TTLL1: variants seen among roughly 807,000 people sequenced by gnomAD.
The protein encoded by TTLL1 is polyglutamylase complex subunit TTLL1.
Under a neutral mutation model 47.8 loss-of-function variants are expected in TTLL1, and 33 were observed. That is an observed-to-expected ratio of 0.69 (90% confidence interval 0.52 to 0.92). The LOEUF is 0.92. Among genes scored for constraint, TTLL1 ranks in the 40% least tolerant of loss-of-function variants. The pLI, the probability that TTLL1 is intolerant of heterozygous loss-of-function variation, is 0.00. For missense variants in TTLL1, 488 were observed against 547.5 expected, an observed-to-expected ratio of 0.89 and a Z score of 1.08; for synonymous variants, 225 against 214.1, an observed-to-expected ratio of 1.05 and a Z score of -0.45.
rs1452636561 is a variant in TTLL1 at position 43,069,726 on chromosome 22, C to T, written c.232G>A (p.Val78Met). The change falls in exon 4 of 11, where the codon GTG becomes ATG. Residue 78 changes from valine to methionine, a missense_variant. By Grantham distance (21) the Val-to-Met change is conservative. Transcript: ENST00000266254. ...TTCCTGTATCTTTTGATGTTCTTCA[C>T]CATCAGGTCCTTCCGGGTCAGTTCA... ...HYELTRKDLMVKNIKRYRKEL... is the reference protein window; with the variant it reads ...HYELTRKDLMMKNIKRYRKEL... 2 of 1,614,084 alleles carry T rather than the reference C, an allele frequency of 1.2e-6. No individual in the cohort carries two copies. Among genetic ancestry groups the T allele is most frequent in the Non-Finnish European group, 1.7e-6 (2 of 1,180,054 alleles).
At position 43,051,830 on chromosome 22, in the gene TTLL1, C is replaced by T. The variant is rs867699587; in HGVS notation, c.949G>A (p.Asp317Asn). Residue 317 changes from aspartate to asparagine, a missense_variant, in exon 9 of 11, where the codon GAC becomes AAC. Transcript: ENST00000266254. ...ATCAGCCAGGGCTTCAGCTTGTCGTCGATGATGATGTCGTAGCCATAGCAT... is the reference window on the plus strand; with the variant it reads ...ATCAGCCAGGGCTTCAGCTTGTCGTTGATGATGATGTCGTAGCCATAGCAT... ...FECYGYDIII[D>N]DKLKPWLIEV... 37 of 1,613,992 alleles carry T rather than the reference C, an allele frequency of 2.3e-5. No homozygotes were observed. In the East Asian group the frequency reaches 4.7e-4, roughly 20 times the overall value.
intron 1 of TTLL1, among the ~76,000 whole-genome samples, chr22:43,082,128 T>C (rs1271854857): frequency 6.6e-6 from 1 of 151,502 alleles, no homozygotes; most frequent in Middle Eastern, 3.4e-3. Context: ...CTGGGATTAC[T>C]GGTGTGAGTC....
At position 43,051,738 on chromosome 22, in the gene TTLL1, C is replaced by A. The variant is rs1926637779; in HGVS notation, c.978+63G>T. 4 of 1,517,114 alleles carry A rather than the reference C, an allele frequency of 2.6e-6. No homozygotes were observed. The Admixed American group carries it at 6.7e-5, about 25-fold the overall frequency. The allele number at this position is 1,517,114 out of a possible 1,614,324, so 94.0% of individuals were successfully genotyped here. ...GCCTGGGGGACTGCTGGGCCCGAATCGGGGCAGAAGTGTGTTGGGGGCTAT... is the reference window on the plus strand; with the variant it reads ...GCCTGGGGGACTGCTGGGCCCGAATAGGGGCAGAAGTGTGTTGGGGGCTAT... On this transcript the variant is annotated intron_variant, in intron 9 of 10. Transcript: ENST00000266254.
At chr22:43,088,212 G>T (rs1463137886) in intron 1 of TTLL1, among the ~76,000 whole-genome samples, 1 of 151,322 alleles carries the variant, frequency 6.6e-6, no homozygotes, top group African/African-American at 2.4e-5. Context: ...CAGGGCATTC[G>T]TTCACAGCGG....
chr22:43,073,687 T>C (rs1928284860), intron 3 of TTLL1, among the ~76,000 whole-genome samples: 1 of 151,956 alleles, frequency 6.6e-6, no homozygotes, highest in Non-Finnish European at 1.5e-5. Flanking sequence ...TGCACCATAA[T>C]CCACTCAAAG....
rs903746397 is a variant in TTLL1 at position 43,073,346 on chromosome 22, T to C, written c.113+2128A>G. On this transcript the variant is annotated intron_variant, in intron 3 of 10. Transcript: ENST00000266254. Reference sequence around the variant, plus strand: ...CGGTCTATTTATTTATTTATTTATTTATTTATTTATTTATTTATTTTATTT... The same window carrying C: ...CGGTCTATTTATTTATTTATTTATTCATTTATTTATTTATTTATTTTATTT... Among the ~76,000 whole-genome samples the C allele has an allele frequency of 2.7e-5, 4 of 146,548 alleles. No homozygotes were observed. In the South Asian group the frequency reaches 8.5e-4, roughly 31 times the overall value.
intron 4 of TTLL1, 67 bp from the exon 5 acceptor site, chr22:43,068,657 T>G: frequency 1.6e-5 from 22 of 1,342,112 alleles, no homozygotes; most frequent in Non-Finnish European, 2.0e-5. Flanking sequence ...CAGAAAGATC[T>G]TGCCCTTGCC....
chr22:43,073,547 G>A (rs1261971046), intron 3 of TTLL1, among the ~76,000 whole-genome samples: 2 of 148,476 alleles, frequency 1.3e-5, no homozygotes, highest in Non-Finnish European at 3.0e-5. Context: ...GTAGTGATGG[G>A]GTTTCACCAA....
chr22:43,077,496 T>C (rs1000562930), intron 2 of TTLL1, among the ~76,000 whole-genome samples: 2 of 152,178 alleles, frequency 1.3e-5, no homozygotes, highest in African/African-American at 4.8e-5. Context: ...GGGAGCTGGC[T>C]TGCTTTCTTC....
intron 10 of TTLL1, among the ~76,000 whole-genome samples, chr22:43,042,971 G>A (rs1255700224): frequency 1.5e-5 from 2 of 137,662 alleles, no homozygotes; most frequent in African/African-American, 5.6e-5. Flanking sequence ...GCAGACTTTC[G>A]CTGTGTCGCC....
chr22:43,083,766 G>T (rs2146995737), intron 1 of TTLL1, among the ~76,000 whole-genome samples: 1 of 152,118 alleles, frequency 6.6e-6, no homozygotes, highest in African/African-American at 2.4e-5. Context: ...AAAACCCACT[G>T]GCAAGGGAAT....
At chr22:43,041,807 C>T (rs753953917) in intron 10 of TTLL1, among the ~76,000 whole-genome samples, 1 of 152,148 alleles carries the variant, frequency 6.6e-6, no homozygotes, top group Non-Finnish European at 1.5e-5. Flanking sequence ...TGAGCCACTG[C>T]GCCTGGCCGC....
intron 10 of TTLL1, among the ~76,000 whole-genome samples, chr22:43,043,525 T>C (rs894984985): frequency 2.0e-5 from 3 of 151,792 alleles, no homozygotes; most frequent in Non-Finnish European, 4.4e-5. Flanking sequence ...AACCCTGATC[T>C]CACCCTTCAC....
At position 43,069,774 on chromosome 22, in the gene TTLL1, C is replaced by T. The variant is rs1353240306; in HGVS notation, c.184G>A (p.Val62Ile). The T allele has an allele frequency of 6.2e-7, 1 of 1,614,180 alleles. No individual in the cohort carries two copies. ...TCATAGTGGTTTGGAAAATGGTTGA[C>T]TATTTGGTCATCTGAGAGCCGATAT... is the stretch of plus-strand genomic sequence containing the variant. ...AGYRLSDDQI[V>I]NHFPNHYELT... is the part of the protein sequence containing the mutation. The change falls in exon 4 of 11, where the codon GTC becomes ATC. Residue 62 changes from valine (V) to isoleucine (I), a missense_variant. Coordinates refer to ENST00000266254, the MANE Select transcript of TTLL1 (RefSeq NM_012263.5).
chr22:43,083,632 G>T (rs1929042725), intron 1 of TTLL1, among the ~76,000 whole-genome samples: 1 of 152,116 alleles, frequency 6.6e-6, no homozygotes, highest in Non-Finnish European at 1.5e-5. Flanking sequence ...GGAGGCTGAG[G>T]CATGAGAACT....
chr22:43,052,023 T>C (rs1345447217), intron 8 of TTLL1, 136 bp from the exon 9 acceptor site: 7 of 736,910 alleles, frequency 9.5e-6, no homozygotes, highest in South Asian at 1.5e-5. Flanking sequence ...CCACAAACGC[T>C]TCCTTCCCTC....
At chr22:43,057,926 A>T (rs1601672569) in intron 8 of TTLL1, among the ~76,000 whole-genome samples, 1 of 149,576 alleles carries the variant, frequency 6.7e-6, no homozygotes, top group East Asian at 2.0e-4. Context: ...CCACTGGGGA[A>T]GCACTGGAAA....
chr22:43,042,126 C>T (rs958253949), intron 10 of TTLL1, among the ~76,000 whole-genome samples: 1 of 152,196 alleles, frequency 6.6e-6, no homozygotes, highest in Non-Finnish European at 1.5e-5. Flanking sequence ...CTTCCCTGGC[C>T]AGGGGGCTGC....
At chr22:43,059,320 C>A in intron 8 of TTLL1, 64 bp downstream of exon 8, 1 of 1,552,452 alleles carries the variant, frequency 6.4e-7, no homozygotes, top group Non-Finnish European at 8.7e-7. Context: ...AACAGAAAGA[C>A]AGCAAGCCCC....
Sources: gnomAD v4.1 joint callset for allele counts (sites outside exome capture counted in the v4.1 genomes callset) on GRCh38, gnomAD v4.1.1 for gene constraint, MANE v1.5 for transcripts, NCBI Gene and HGNC (gene_info 2026-07-23, HGNC 2026-07-21) for gene names.